NRG1: variants seen among roughly 807,000 people sequenced by gnomAD.
NRG1 encodes neuregulin 1, also known as pro-neuregulin-1, membrane-bound isoform.
NRG1 carries 18 observed loss-of-function variants against 63.8 expected under a neutral mutation model. The ratio of observed to expected loss-of-function variants is 0.28; its 90% confidence interval spans 0.19 to 0.42. The LOEUF (loss-of-function observed/expected upper bound fraction) is 0.42, where lower values mean the gene tolerates loss of function less well. Among genes scored for constraint, NRG1 ranks in the 10% least tolerant of loss-of-function variants. NRG1 has a pLI of 1.00. For missense variants in NRG1, 762 were observed against 814.7 expected, an observed-to-expected ratio of 0.94 and a Z score of 0.79; for synonymous variants, 302 against 301.3, an observed-to-expected ratio of 1.00 and a Z score of -0.02.
At chr8:32,595,699 ATTGT>A (rs1263626743) in intron 1 of NRG1, 125 bp from the exon 2 acceptor site, 4 of 746,864 alleles carry the variant, frequency 5.4e-6, no homozygotes, top group Non-Finnish European at 8.0e-6. Context: ...CCATTTTGAA[ATTGT>A]TTTTCTCTCT....
chr8:31,999,935 T>C (rs1366088641), intron 1 of NRG1, among the ~76,000 whole-genome samples: 1 of 151,892 alleles, frequency 6.6e-6, no homozygotes, highest in African/African-American at 2.4e-5. Context: ...AAGCCTGCAA[T>C]TGAACTACAT....
chr8:32,642,232 A>T (rs947861773), intron 5 of NRG1, among the ~76,000 whole-genome samples: 9 of 152,192 alleles, frequency 5.9e-5, no homozygotes, highest in African/African-American at 9.7e-5. Context: ...GTGTAATGCA[A>T]TCCCAATCCA....
intron 1 of NRG1, among the ~76,000 whole-genome samples, chr8:32,439,973 C>G (rs1329955667): frequency 6.6e-6 from 1 of 152,064 alleles, no homozygotes; most frequent in East Asian, 1.9e-4. Context: ...CTGTAAAGAA[C>G]TACCTGAGCA....
chr8:32,436,126 A>C (rs924755913), intron 1 of NRG1, among the ~76,000 whole-genome samples: 1 of 152,150 alleles, frequency 6.6e-6, no homozygotes, highest in Admixed American at 6.6e-5. Flanking sequence ...GGCTGGGAAG[A>C]CCTCACAAGC....
intron 1 of NRG1, among the ~76,000 whole-genome samples, chr8:32,587,759 A>G (rs1026597492): frequency 2.0e-5 from 3 of 152,146 alleles, no homozygotes; most frequent in Non-Finnish European, 4.4e-5. Context: ...ATGTTTAGGT[A>G]TAGTATCAAT....
chr8:32,501,917 A>G (rs774612552), intron 1 of NRG1, among the ~76,000 whole-genome samples: 1 of 152,216 alleles, frequency 6.6e-6, no homozygotes, highest in Non-Finnish European at 1.5e-5. Context: ...GCTTGAGGCC[A>G]GGAGTTCAAG....
chr8:31,980,925 A>G (rs1808961475), intron 1 of NRG1, among the ~76,000 whole-genome samples: 1 of 152,064 alleles, frequency 6.6e-6, no homozygotes, highest in South Asian at 2.1e-4. Context: ...TGTTCTATGT[A>G]AGTAGCAATC....
At chr8:31,963,230 T>C (rs1270026346) in intron 1 of NRG1, among the ~76,000 whole-genome samples, 1 of 152,234 alleles carries the variant, frequency 6.6e-6, no homozygotes, top group Non-Finnish European at 1.5e-5. Flanking sequence ...TTAGCAGACA[T>C]GAAAATGAAT....
intron 1 of NRG1, among the ~76,000 whole-genome samples, chr8:32,093,157 G>T (rs926831143): frequency 9.9e-5 from 15 of 152,192 alleles, no homozygotes; most frequent in African/African-American, 3.6e-4. Flanking sequence ...GCCTTGAGAT[G>T]CTGTTAATCT....
At chr8:32,518,575 G>T (rs1830052835) in intron 1 of NRG1, among the ~76,000 whole-genome samples, 1 of 152,162 alleles carries the variant, frequency 6.6e-6, no homozygotes, top group Non-Finnish European at 1.5e-5. Context: ...GAGGACTAGA[G>T]ATGTCCTCCT....
At chr8:32,155,490 T>G (rs1050560740) in intron 1 of NRG1, among the ~76,000 whole-genome samples, 3 of 152,184 alleles carry the variant, frequency 2.0e-5, no homozygotes, top group Admixed American at 6.5e-5. Context: ...AATCTTGCAT[T>G]AAATTGACTA....
chr8:31,664,706 G>T (rs1025769362), intron 1 of NRG1, among the ~76,000 whole-genome samples: 1 of 152,188 alleles, frequency 6.6e-6, no homozygotes, highest in Non-Finnish European at 1.5e-5. Context: ...AGCGGGGATG[G>T]CAGTTGATCT....
intron 1 of NRG1, among the ~76,000 whole-genome samples, chr8:32,369,426 T>TATCCAGTG (rs1808514211): frequency 6.6e-6 from 1 of 152,254 alleles, no homozygotes; most frequent in Non-Finnish European, 1.5e-5. Context: ...AGGACAATTC[T>TATCCAGTG]ACTCTGGAAA....
intron 1 of NRG1, among the ~76,000 whole-genome samples, chr8:32,035,701 T>C (rs1158858651): frequency 1.3e-5 from 2 of 152,180 alleles, no homozygotes; most frequent in Non-Finnish European, 1.5e-5. Context: ...TGCCCTTATT[T>C]GTCTTTTTTG....
Position 32,358,178 on chromosome 8 carries a change from A to G in NRG1, c.38-237650A>G, listed in dbSNP as rs531750761. 2.0e-3 allele frequency among the ~76,000 whole-genome samples: 299 copies of G among 152,226 alleles called. 1 individual carries two copies. Among genetic ancestry groups the G allele is most frequent in the Non-Finnish European group, 3.5e-3 (236 of 68,010 alleles). ...GGAGCTACAGCAGCAATCCTGGACT[A>G]TGAGGTAACCTTGGGAGTACTAGGG... On this transcript the variant is annotated intron_variant, in intron 1 of 10. Coordinates refer to the NRG1 transcript ENST00000519301.
intron 3 of NRG1, among the ~76,000 whole-genome samples, chr8:32,612,676 T>C (rs1002619502): frequency 8.6e-5 from 13 of 151,592 alleles, no homozygotes; most frequent in Non-Finnish European, 1.9e-4. Context: ...AAAGTTCTGA[T>C]TTTTTTTTCT....
chr8:32,136,775 T>C lies in NRG1; in HGVS notation c.38-459053T>C, dbSNP rs940723845. On this transcript the variant is annotated intron_variant, in intron 1 of 10. Coordinates refer to the NRG1 transcript ENST00000519301. Reference sequence around the variant, plus strand: ...AGGTAAGCCCGCATATTTAGATATTTCTAAGAGGTTCTAAAATGATGAATA... The same window carrying C: ...AGGTAAGCCCGCATATTTAGATATTCCTAAGAGGTTCTAAAATGATGAATA... 2.0e-5 allele frequency: 3 copies of C among 152,184 alleles called. No homozygotes were observed. In the South Asian group the frequency reaches 6.2e-4, roughly 31 times the overall value. The allele number at this position is 152,184 out of a possible 1,614,324, so 9.4% of individuals were successfully genotyped here.
chr8:32,013,380 G>C lies in NRG1; in HGVS notation c.37+373949G>C, dbSNP rs529237276. On this transcript the variant is annotated intron_variant, in intron 1 of 10. Transcript: ENST00000519301. ...GACAGAGCATCAAAGTGATCCCAGT[G>C]ATGTCATGTAGATAGGCACAGAGAA... 6.6e-5 allele frequency among the ~76,000 whole-genome samples: 10 copies of C among 152,262 alleles called. No individual in the cohort carries two copies. The South Asian group carries it at 1.5e-3, about 22-fold the overall frequency.
At chr8:31,741,345 A>G (rs577026191) in intron 1 of NRG1, among the ~76,000 whole-genome samples, 3 of 152,104 alleles carry the variant, frequency 2.0e-5, no homozygotes, top group African/African-American at 7.2e-5. Flanking sequence ...AAATCTGCAC[A>G]TGTACCCCCT....
Sources: gnomAD v4.1 joint callset for allele counts (sites outside exome capture counted in the v4.1 genomes callset) on GRCh38, gnomAD v4.1.1 for gene constraint, MANE v1.5 for transcripts, NCBI Gene and HGNC (gene_info 2026-07-23, HGNC 2026-07-21) for gene names.